The following GALNT14 variants were observed in gnomAD, a reference collection of about 807,000 sequenced individuals.
GALNT14 encodes UDP-GalNAc:polypeptide N-acetylgalactosaminyltransferase 14.
In GALNT14, 60 loss-of-function variants were observed where a neutral mutation model predicts 77.5. That is an observed-to-expected ratio of 0.77 (90% CI 0.63 to 0.96). The LOEUF is 0.96. GALNT14 is among the 40% of genes least tolerant of loss of function. GALNT14 has a pLI of 0.00. For missense variants in GALNT14, 710 were observed against 731.0 expected (o/e 0.97, Z 0.33); for synonymous variants, 280 against 281.7 (o/e 0.99, Z 0.06).
chr2:30,951,438 G>A (rs1667021327), intron 6 of GALNT14, among the ~76,000 whole-genome samples: 1 of 152,110 alleles, frequency 6.6e-6, no homozygotes, highest in Admixed American at 6.5e-5. Flanking sequence ...GGGAGAAGAG[G>A]AGAATGAGGA....
intron 1 of GALNT14, among the ~76,000 whole-genome samples, chr2:31,000,621 C>G (rs1219273753): frequency 6.6e-6 from 1 of 152,128 alleles, no homozygotes; most frequent in African/African-American, 2.4e-5. Context: ...CTAAGGTGGT[C>G]TGCTGGCAGA....
intron 1 of GALNT14, among the ~76,000 whole-genome samples, chr2:31,066,660 T>G (rs1056985101): frequency 2.0e-5 from 3 of 151,948 alleles, no homozygotes; most frequent in Non-Finnish European, 2.9e-5. Flanking sequence ...TTGGTTTCTG[T>G]GAAGAGCCGG....
intron 1 of GALNT14, among the ~76,000 whole-genome samples, chr2:31,004,400 G>T (rs1670547673): frequency 6.6e-6 from 1 of 152,254 alleles, no homozygotes; most frequent in Non-Finnish European, 1.5e-5. Flanking sequence ...CAAGGGGAGG[G>T]ATTGGATGTA....
intron 3 of GALNT14, among the ~76,000 whole-genome samples, chr2:30,965,862 G>T (rs1321425068): frequency 3.9e-5 from 6 of 152,230 alleles, no homozygotes; most frequent in African/African-American, 1.4e-4. Context: ...CAGGGCCTCA[G>T]CCCCTTCCTC....
chr2:30,987,424 CCT>C lies in GALNT14; in HGVS notation c.299+5412_299+5413del, dbSNP rs990679073. Reference sequence around the variant, plus strand: ...TCCTAAGAAAGGCTCAAAGCCTGCCCCTGTCTTAGCTTCTTCTACTCCTGCCC... The same window carrying C: ...TCCTAAGAAAGGCTCAAAGCCTGCCCGTCTTAGCTTCTTCTACTCCTGCCC... On this transcript the variant is annotated intron_variant, in intron 2 of 14. Coordinates refer to ENST00000349752, the MANE Select transcript of GALNT14 (RefSeq NM_024572.4). 9.8e-5 allele frequency among the ~76,000 whole-genome samples: 15 copies of C among 152,292 alleles called. No homozygotes were observed. In the Middle Eastern group the frequency reaches 0.01, roughly 104 times the overall value.
chr2:30,955,276 T>A (rs1667290361), intron 6 of GALNT14, among the ~76,000 whole-genome samples: 1 of 152,156 alleles, frequency 6.6e-6, no homozygotes, highest in Admixed American at 6.5e-5. Flanking sequence ...CCATAAGGGT[T>A]CCCATTCTGG....
At chr2:30,967,642 C>A (rs950252322) in intron 2 of GALNT14, among the ~76,000 whole-genome samples, 46 of 152,234 alleles carry the variant, frequency 3.0e-4, no homozygotes, top group African/African-American at 1.1e-3. Flanking sequence ...TCCTTTTGCC[C>A]CACCTCCTGA....
intron 3 of GALNT14, among the ~76,000 whole-genome samples, chr2:30,964,868 C>T (rs190962585): frequency 3.3e-5 from 5 of 152,302 alleles, no homozygotes; most frequent in Non-Finnish European, 4.4e-5. Context: ...CTGGAACTTC[C>T]CACTGCCCAC....
At chr2:30,962,646 C>T (rs573592192) in intron 3 of GALNT14, among the ~76,000 whole-genome samples, 1 of 152,202 alleles carries the variant, frequency 6.6e-6, no homozygotes, top group East Asian at 1.9e-4. Context: ...ACCCCATCAT[C>T]TGTGTGCCCG....
Position 30,910,949 on chromosome 2 carries a change from T to A in GALNT14, c.1611A>T (p.Pro537=). ...GCTGGCTCATGAGTGAGGACTCACATGGGTTGACGACGATTTCCTTGCCGT... is the reference window on the plus strand; with the variant it reads ...GCTGGCTCATGAGTGAGGACTCACAAGGGTTGACGACGATTTCCTTGCCGT... ...TENGKEIVVN[P]CESSLMSQHW... Residue 537 remains proline, a synonymous_variant, in exon 15 of 15, where the codon CCA becomes CCT. Coordinates refer to ENST00000349752, the MANE Select transcript of GALNT14 (RefSeq NM_024572.4). 6.2e-7 allele frequency: 1 copy of A among 1,613,790 alleles called. No individual in the cohort carries two copies. The highest frequency in any genetic ancestry group is 8.5e-7 in the Non-Finnish European group (1 of 1,179,956).
rs566872894 is a variant in GALNT14, at chr2:31,064,552, C to A, written c.130-71545G>T. On this transcript the variant is annotated intron_variant, in intron 1 of 14. Transcript: ENST00000349752. ...AAACATTTGAAAATGAACATCTATT[C>A]TAATTCCCTTAGATTATTCCATTTA... 3.7e-4 allele frequency among the ~76,000 whole-genome samples: 57 copies of A among 152,320 alleles called. 1 individual carries two copies. The South Asian group carries it at 0.012, about 32-fold the overall frequency.
chr2:31,111,995 C>CTT (rs398080139), intron 1 of GALNT14, among the ~76,000 whole-genome samples: 1 of 134,126 alleles, frequency 7.5e-6, no homozygotes, highest in African/African-American at 3.0e-5. Flanking sequence ...TGTGTACTTG[C>CTT]TTTTTTTTTT....
At chr2:30,915,136 C>T (rs1664602452) in intron 13 of GALNT14, among the ~76,000 whole-genome samples, 1 of 137,606 alleles carries the variant, frequency 7.3e-6, no homozygotes, top group Non-Finnish European at 1.5e-5. Flanking sequence ...ATATAAAAGC[C>T]TCTTTTGAGA....
At chr2:31,068,507 CA>C (rs56916863) in intron 1 of GALNT14, among the ~76,000 whole-genome samples, 64,642 of 104,188 alleles carry the variant, frequency 0.62, 17,291 homozygotes, top group African/African-American at 0.75. Context: ...GACCCCGTCT[CA>C]AAAAAAAAAA....
intron 1 of GALNT14, among the ~76,000 whole-genome samples, chr2:31,130,405 G>A (rs1678918338): frequency 6.6e-6 from 1 of 152,200 alleles, no homozygotes; most frequent in Non-Finnish European, 1.5e-5. Flanking sequence ...GCCACCACTG[G>A]AGCCCTGGTC....
At chr2:30,984,698 T>C (rs1669189218) in intron 2 of GALNT14, among the ~76,000 whole-genome samples, 1 of 152,166 alleles carries the variant, frequency 6.6e-6, no homozygotes, top group African/African-American at 2.4e-5. Context: ...TACTACCTGG[T>C]AAAATCCTAC....
chr2:30,887,144 G>C, the GALNT14 span, among the ~76,000 whole-genome samples: 1 of 152,122 alleles, frequency 6.6e-6, no homozygotes, highest in Non-Finnish European at 1.5e-5. Context: ...CGTTTGAATT[G>C]TTTCCACGTT....
chr2:31,137,726 G>GCGCGCCCACCACC (rs1202272541), intron 1 of GALNT14, among the ~76,000 whole-genome samples: 1 of 152,166 alleles, frequency 6.6e-6, no homozygotes, highest in African/African-American at 2.4e-5. Flanking sequence ...GCAGGCGAGC[G>GCGCGCCCACCACC]CGCGCCCACC....
chr2:30,914,618 TAC>T (rs1326570368), intron 13 of GALNT14, among the ~76,000 whole-genome samples: 2 of 152,194 alleles, frequency 1.3e-5, no homozygotes, highest in African/African-American at 4.8e-5. Context: ...AACCATAGGA[TAC>T]ACACAGTGCT....
Sources: gnomAD v4.1 joint callset for allele counts (sites outside exome capture counted in the v4.1 genomes callset) on GRCh38, gnomAD v4.1.1 for gene constraint, MANE v1.5 for transcripts, NCBI Gene and HGNC (gene_info 2026-07-23, HGNC 2026-07-21) for gene names.